WWOX: variants seen among roughly 807,000 people sequenced by gnomAD.
The protein encoded by WWOX is WW domain-containing oxidoreductase.
A neutral mutation model predicts 46.2 loss-of-function variants in WWOX; 69 were observed. The observed-to-expected ratio is 1.49, with a 90% CI of 1.23 to 1.82. The LOEUF is 1.82. Among genes scored for constraint, WWOX ranks in the 40% most tolerant of loss-of-function variants. WWOX has a pLI of 0.00. For missense variants in WWOX, 919 were observed against 542.6 expected, an observed-to-expected ratio of 1.69 and a Z score of -6.89; for synonymous variants, 359 against 202.6, an observed-to-expected ratio of 1.77 and a Z score of -6.56.
chr16:79,066,314 C>T (rs1430853846), intron 8 of WWOX, among the ~76,000 whole-genome samples: 2 of 152,182 alleles, frequency 1.3e-5, no homozygotes, highest in African/African-American at 2.4e-5. Context: ...ACAGGCAGTA[C>T]CTGCTTTACT....
At chr16:78,400,214 A>G (rs1231048784) in intron 6 of WWOX, among the ~76,000 whole-genome samples, 1 of 152,218 alleles carries the variant, frequency 6.6e-6, no homozygotes, top group Non-Finnish European at 1.5e-5. Flanking sequence ...GCAATAATTT[A>G]TAACCAAAAA....
intron 8 of WWOX, among the ~76,000 whole-genome samples, chr16:78,790,726 C>A (rs1055260433): frequency 6.6e-6 from 1 of 152,024 alleles, no homozygotes; most frequent in African/African-American, 2.4e-5. Context: ...GTACTAGTAA[C>A]ATCTCACTGT....
intron 8 of WWOX, among the ~76,000 whole-genome samples, chr16:78,945,941 T>C (rs1428795024): frequency 6.6e-6 from 1 of 152,130 alleles, no homozygotes; most frequent in East Asian, 1.9e-4. Context: ...GTAGTCATTT[T>C]CTCATCCGTC....
chr16:78,924,044 C>G (rs147381785), intron 8 of WWOX, among the ~76,000 whole-genome samples: 1 of 151,836 alleles, frequency 6.6e-6, no homozygotes, highest in Non-Finnish European at 1.5e-5. Flanking sequence ...TTTTGATATC[C>G]TGATTTCGTG....
At chr16:78,960,600 T>C (rs540702334) in intron 8 of WWOX, among the ~76,000 whole-genome samples, 2 of 152,284 alleles carry the variant, frequency 1.3e-5, no homozygotes, top group Non-Finnish European at 2.9e-5. Flanking sequence ...AACAGATCCA[T>C]TGGTCAGAAA....
At chr16:78,495,510 CTT>C (rs67618109) in intron 8 of WWOX, among the ~76,000 whole-genome samples, 5 of 42,644 alleles carry the variant, frequency 1.2e-4, no homozygotes, top group Non-Finnish European at 1.3e-4. Flanking sequence ...AGAAAATGGT[CTT>C]TTTTTTTTTT....
intron 8 of WWOX, among the ~76,000 whole-genome samples, chr16:79,163,333 G>A (rs2050523993): frequency 6.6e-6 from 1 of 152,164 alleles, no homozygotes; most frequent in African/African-American, 2.4e-5. Context: ...GTACTAACTG[G>A]GGGGTCTTGA....
At chr16:78,109,885 A>T (rs754477494) in intron 3 of WWOX, 50 bp downstream of exon 3, 8 of 1,581,828 alleles carry the variant, frequency 5.1e-6, no homozygotes, top group Non-Finnish European at 6.9e-6. Context: ...TTTTAATAGG[A>T]ATTTTTAATT....
chr16:78,211,568 C>T (rs934792855), intron 5 of WWOX, among the ~76,000 whole-genome samples: 1 of 152,160 alleles, frequency 6.6e-6, no homozygotes, highest in African/African-American at 2.4e-5. Context: ...GCTGCTGCTG[C>T]TGCTGCTGCA....
chr16:79,142,487 A>G (rs2050109090), intron 8 of WWOX, among the ~76,000 whole-genome samples: 1 of 152,176 alleles, frequency 6.6e-6, no homozygotes, highest in South Asian at 2.1e-4. Context: ...CTCCCCACCA[A>G]AGCTGATCAT....
At chr16:78,471,618 G>A (rs2084223411) in intron 8 of WWOX, among the ~76,000 whole-genome samples, 1 of 152,092 alleles carries the variant, frequency 6.6e-6, no homozygotes, top group African/African-American at 2.4e-5. Flanking sequence ...TTTTTCTTCT[G>A]TGACTTTGTA....
At chr16:78,347,457 G>T (rs1379520440) in intron 5 of WWOX, among the ~76,000 whole-genome samples, 1 of 117,604 alleles carries the variant, frequency 8.5e-6, no homozygotes, top group Non-Finnish European at 2.0e-5. Context: ...ATAAAGTCAC[G>T]CTGTTACCCC....
At chr16:78,541,212 C>T (rs768853691) in intron 8 of WWOX, among the ~76,000 whole-genome samples, 2 of 151,968 alleles carry the variant, frequency 1.3e-5, no homozygotes, top group Admixed American at 6.6e-5. Flanking sequence ...CGGTGGCTCA[C>T]GCCTGTAATC....
At chr16:78,959,351 G>C (rs926145215) in intron 8 of WWOX, among the ~76,000 whole-genome samples, 4 of 152,178 alleles carry the variant, frequency 2.6e-5, no homozygotes, top group Admixed American at 2.6e-4. Flanking sequence ...GCTTGGCCCT[G>C]AGAAAGCAAA....
intron 8 of WWOX, among the ~76,000 whole-genome samples, chr16:78,769,530 ATTATTTATTTATTTATTTATTTATTTAT>A (rs141334504): frequency 1.7e-4 from 18 of 103,952 alleles, no homozygotes; most frequent in East Asian, 5.6e-4. Flanking sequence ...CACCCCCCAC[ATTATTTATTTATTTATTTATTTATTTAT>A]TTATTTATTT....
rs189750051 is a variant in WWOX at position 78,472,490 on chromosome 16, T to C, written c.1056+39738T>C. On this transcript the variant is annotated intron_variant, in intron 8 of 8. Transcript: ENST00000566780. The stretch of plus-strand genomic sequence containing the variant: ...TCTAAAGTATACTTGATTTGAAATA[T>C]GTGCCCTGAAGTTTTGCTATGTTGA... 2.5e-4 allele frequency among the ~76,000 whole-genome samples: 38 copies of C among 152,280 alleles called. No individual in the cohort carries two copies. The East Asian group carries it at 5.6e-3, about 22-fold the overall frequency.
intron 5 of WWOX, among the ~76,000 whole-genome samples, chr16:78,293,989 A>C (rs1317731627): frequency 1.1e-4 from 17 of 148,910 alleles, no homozygotes; most frequent in South Asian, 6.4e-4. Flanking sequence ...AAAAAAAAAA[A>C]AAAAAAAAAA....
chr16:78,743,119 C>A (rs946338413), intron 8 of WWOX, among the ~76,000 whole-genome samples: 5 of 152,094 alleles, frequency 3.3e-5, no homozygotes, highest in African/African-American at 1.2e-4. Context: ...TTGGAGGAGA[C>A]ACTTGAGTGT....
chr16:78,416,704 C>G (rs1436103748), intron 6 of WWOX, among the ~76,000 whole-genome samples: 2 of 152,164 alleles, frequency 1.3e-5, no homozygotes, highest in Non-Finnish European at 1.5e-5. Flanking sequence ...CCAGGCCTGT[C>G]TTAAAATTAG....
Sources: gnomAD v4.1 joint callset for allele counts (sites outside exome capture counted in the v4.1 genomes callset) on GRCh38, gnomAD v4.1.1 for gene constraint, MANE v1.5 for transcripts, NCBI Gene and HGNC (gene_info 2026-07-23, HGNC 2026-07-21) for gene names.